SMG7: variants seen among roughly 807,000 people sequenced by gnomAD.
SMG7 encodes SMG7 nonsense mediated mRNA decay factor.
In SMG7, 34 loss-of-function variants were observed where a neutral mutation model predicts 148.2. The ratio of observed to expected loss-of-function variants is 0.23; its 90% CI spans 0.17 to 0.31. The LOEUF (loss-of-function observed/expected upper bound fraction) is 0.31. Among genes scored for constraint, SMG7 ranks in the 10% least tolerant of loss-of-function variants. SMG7 has a pLI of 1.00. For missense variants in SMG7, 1,114 were observed against 1,408.4 expected (o/e 0.79, Z 3.35); for synonymous variants, 492 against 515.1 (o/e 0.96, Z 0.61).
intron 1 of SMG7, among the ~76,000 whole-genome samples, chr1:183,496,309 A>G (rs999094159): frequency 2.6e-5 from 4 of 152,020 alleles, no homozygotes; most frequent in African/African-American, 9.7e-5. Flanking sequence ...TATGGCCCTC[A>G]TGAGACTGTA....
At chr1:183,472,957 A>C in intron 1 of SMG7, 26 of 323,650 alleles carry the variant, frequency 8.0e-5, no homozygotes, top group East Asian at 1.9e-4. Context: ...GTGGAGAGAA[A>C]CGTCCGGGGA....
At chr1:183,546,439 G>T in intron 17 of SMG7, 102 bp downstream of exon 17, 2 of 1,242,698 alleles carry the variant, frequency 1.6e-6, no homozygotes, top group Non-Finnish European at 2.3e-6. Flanking sequence ...ACTCTTATTC[G>T]TTAGTACTAT....
chr1:183,532,921 AG>A (rs1391029226), intron 8 of SMG7, among the ~76,000 whole-genome samples: 1 of 152,188 alleles, frequency 6.6e-6, no homozygotes, highest in African/African-American at 2.4e-5. Flanking sequence ...AGGAGAAAAA[AG>A]TTTGTTGATA....
intron 9 of SMG7, 99 bp downstream of exon 9, chr1:183,533,425 G>C (rs1667206266): frequency 7.7e-7 from 1 of 1,297,802 alleles, no homozygotes; most frequent in South Asian, 1.4e-5. Flanking sequence ...AAAAAGCATA[G>C]TGTATTTCTT....
At chr1:183,472,723 G>GT in intron 1 of SMG7, 74 bp downstream of exon 1, 3 of 1,315,080 alleles carry the variant, frequency 2.3e-6, no homozygotes, top group East Asian at 2.9e-5. Context: ...AGACACCGAG[G>GT]TAAGTCCGGG....
chr1:183,480,685 A>T (rs1425386560), intron 1 of SMG7, among the ~76,000 whole-genome samples: 1 of 152,190 alleles, frequency 6.6e-6, no homozygotes, highest in Admixed American at 6.5e-5. Flanking sequence ...CAAATAGTTC[A>T]TACTGGCAGT....
At chr1:183,525,623 T>C (rs1215327697) in intron 4 of SMG7, among the ~76,000 whole-genome samples, 1 of 151,960 alleles carries the variant, frequency 6.6e-6, no homozygotes, top group Non-Finnish European at 1.5e-5. Context: ...GAAAGAAGCA[T>C]GAAAAGTTGA....
intron 1 of SMG7, among the ~76,000 whole-genome samples, chr1:183,486,479 C>T (rs998026228): frequency 2.9e-4 from 44 of 152,240 alleles, no homozygotes; most frequent in African/African-American, 1.0e-3. Flanking sequence ...GGTGCCATCT[C>T]GGCTCACTGC....
At chr1:183,522,694 A>G (rs978032309) in intron 4 of SMG7, among the ~76,000 whole-genome samples, 1 of 152,170 alleles carries the variant, frequency 6.6e-6, no homozygotes, top group Non-Finnish European at 1.5e-5. Flanking sequence ...TGTTGGGGAT[A>G]GAAACCTGAT....
chr1:183,515,860 T>C lies in SMG7; in HGVS notation c.62-14T>C. 1 of 1,575,404 alleles carries C rather than the reference T, an allele frequency of 6.3e-7. No individual in the cohort carries two copies. The highest frequency in any genetic ancestry group is 8.7e-7 in the Non-Finnish European group (1 of 1,145,490). On this transcript the variant is annotated splice_polypyrimidine_tract_variant and intron_variant, in intron 2 of 22. Coordinates refer to ENST00000688051, the MANE Select transcript of SMG7 (RefSeq NM_001375584.1). ...TTATCTATCTACCGTTATGTTTTTG[T>C]TTTTGTTACTCAGATTCTAAGCTGG...
intron 1 of SMG7, among the ~76,000 whole-genome samples, chr1:183,482,729 T>C (rs1247448273): frequency 6.6e-6 from 1 of 152,160 alleles, no homozygotes; most frequent in Non-Finnish European, 1.5e-5. Context: ...CTATCATAGG[T>C]AAATCTGTAT....
chr1:183,533,584 A>T, intron 9 of SMG7, 92 bp from the exon 10 acceptor site: 1 of 1,121,224 alleles, frequency 8.9e-7, no homozygotes, highest in Non-Finnish European at 1.3e-6. Flanking sequence ...CTCAAGTGTT[A>T]AACAGAATAT....
intron 1 of SMG7, among the ~76,000 whole-genome samples, chr1:183,488,985 A>C (rs1214828072): frequency 6.6e-6 from 1 of 152,164 alleles, no homozygotes; most frequent in African/African-American, 2.4e-5. Context: ...CGCCTGGCCA[A>C]GGCTTTTTTT....
chr1:183,521,963 G>A (rs1664871578), intron 4 of SMG7, among the ~76,000 whole-genome samples: 1 of 152,108 alleles, frequency 6.6e-6, no homozygotes, highest in South Asian at 2.1e-4. Flanking sequence ...CTGGATAAAG[G>A]GATCAGCTAT....
At chr1:183,519,823 G>A (rs1347177006) in intron 4 of SMG7, among the ~76,000 whole-genome samples, 1 of 152,054 alleles carries the variant, frequency 6.6e-6, no homozygotes. Flanking sequence ...TGTGTATAAA[G>A]CATTTTCTCT....
At position 183,553,762 on chromosome 1, in the gene SMG7, CT is replaced by C; in HGVS notation, c.*1834del. ...TCTTCAGCCCCTTCCCTGTGTCCACCTTTCTCTCCTCTTCCCAAGCCTTTTT... is the reference window on the plus strand; with the variant it reads ...TCTTCAGCCCCTTCCCTGTGTCCACCTTCTCTCCTCTTCCCAAGCCTTTTT... On this transcript the variant is annotated 3_prime_UTR_variant, in exon 23 of 23. Coordinates refer to ENST00000688051, the MANE Select transcript of SMG7 (RefSeq NM_001375584.1). 1 of 153,036 alleles carries C rather than the reference CT, an allele frequency of 6.5e-6. No individual in the cohort carries two copies. The highest frequency in any genetic ancestry group is 1.5e-5 in the Non-Finnish European group (1 of 68,636). The allele number at this position is 153,036 out of a possible 1,614,324, so 9.5% of individuals were successfully genotyped here.
At chr1:183,472,982 C>G (rs559243033) in intron 1 of SMG7, 7 of 345,234 alleles carry the variant, frequency 2.0e-5, no homozygotes, top group African/African-American at 1.5e-4. Flanking sequence ...GCGGCGACCC[C>G]GAGTGGAGGT....
At chr1:183,489,049 A>G (rs1656260129) in intron 1 of SMG7, among the ~76,000 whole-genome samples, 1 of 152,116 alleles carries the variant, frequency 6.6e-6, no homozygotes, top group South Asian at 2.1e-4. Flanking sequence ...TGTTCACAAT[A>G]TCTTTCACGT....
At chr1:183,549,631 GAAAT>G in intron 19 of SMG7, 129 bp from the exon 20 acceptor site, 4 of 731,232 alleles carry the variant, frequency 5.5e-6, no homozygotes, top group East Asian at 2.5e-5. Context: ...GAAACAAAAA[GAAAT>G]AAAAGCCTTC....
Sources: gnomAD v4.1 joint callset for allele counts (sites outside exome capture counted in the v4.1 genomes callset) on GRCh38, gnomAD v4.1.1 for gene constraint, MANE v1.5 for transcripts, NCBI Gene and HGNC (gene_info 2026-07-23, HGNC 2026-07-21) for gene names.